Variants in PRKN observed in about 807,000 individuals in gnomAD.
PRKN encodes the protein parkin RBR E3 ubiquitin protein ligase.
Under a neutral mutation model 59.5 loss-of-function variants are expected in PRKN, and 56 were observed. The observed-to-expected ratio is 0.94, with a 90% confidence interval of 0.76 to 1.18. The LOEUF is 1.18. PRKN is among the 50% of genes most tolerant of loss of function. The pLI is 0.00. For synonymous variants in PRKN, 250 were observed against 222.1 expected (o/e 1.13, Z -1.12); for missense variants, 657 against 596.4 (o/e 1.10, Z -1.06).
At chr6:162,340,594 G>A (rs1031424292) in intron 2 of PRKN, among the ~76,000 whole-genome samples, 2 of 151,970 alleles carry the variant, frequency 1.3e-5, no homozygotes, top group African/African-American at 2.4e-5. Context: ...TAGACCAATG[G>A]AACAGAACAG....
At chr6:161,384,904 C>T (rs1205849948) in intron 10 of PRKN, among the ~76,000 whole-genome samples, 1 of 152,178 alleles carries the variant, frequency 6.6e-6, no homozygotes. Flanking sequence ...CCCCTATGAG[C>T]CTCTAAAGGG....
rs1790612636 is a variant in PRKN at position 161,468,763 on chromosome 6, G to A, written c.1083+80091C>T. 6.6e-6 allele frequency among the ~76,000 whole-genome samples: 1 copy of A among 152,152 alleles called. No individual in the cohort carries two copies. Among genetic ancestry groups the A allele is most frequent in the Non-Finnish European group, 1.5e-5 (1 of 68,030 alleles). On this transcript the variant is annotated intron_variant, in intron 9 of 11. Coordinates refer to ENST00000366898, the MANE Select transcript of PRKN (RefSeq NM_004562.3). The surrounding 1 kb of genome is among the most constrained non-coding windows in gnomAD (Gnocchi z 5.9). The stretch of plus-strand genomic sequence containing the variant: ...CTTGGGTATGTTCTTCTCAAGGACA[G>A]GAAAGTCATGCACAGTGTATGTTCA...
rs114898239 is a variant in PRKN, at chr6:161,774,623, C to T, written c.871+11149G>A. Among the ~76,000 whole-genome samples, 1,164 of 152,226 alleles carry T rather than the reference C, an allele frequency of 7.6e-3. 13 individuals carry two copies. Among genetic ancestry groups the T allele is most frequent in the African/African-American group, 0.026 (1,086 of 41,528 alleles). ...ACAGGGGCTGCTGTGGGTGACAGAA[C>T]CAGAAGATGGCAGGATTCGGGTCTG... On this transcript the variant is annotated intron_variant, in intron 7 of 11. Coordinates refer to ENST00000366898, the MANE Select transcript of PRKN (RefSeq NM_004562.3).
chr6:161,426,080 C>A (rs60798458), intron 9 of PRKN, among the ~76,000 whole-genome samples: 26,357 of 151,736 alleles, frequency 0.17, 3,067 homozygotes, highest in East Asian at 0.61. Flanking sequence ...CTGTGTACAG[C>A]GTTGTAGGAG....
chr6:162,510,995 T>G (rs1349130942), intron 1 of PRKN, among the ~76,000 whole-genome samples: 1 of 152,068 alleles, frequency 6.6e-6, no homozygotes, highest in African/African-American at 2.4e-5. Context: ...AATAAAATTT[T>G]CCTACATTTG....
chr6:161,506,505 C>T (rs534193896), intron 9 of PRKN, among the ~76,000 whole-genome samples: 3 of 152,270 alleles, frequency 2.0e-5, no homozygotes, highest in South Asian at 2.1e-4. Context: ...CTTTCATTTA[C>T]GTTACCTGCA....
chr6:162,512,129 T>G (rs1281535679), intron 1 of PRKN, among the ~76,000 whole-genome samples: 1 of 152,210 alleles, frequency 6.6e-6, no homozygotes, highest in Non-Finnish European at 1.5e-5. Flanking sequence ...CACAGCAATA[T>G]GTAACAAATT....
intron 1 of PRKN, among the ~76,000 whole-genome samples, chr6:162,530,630 G>A (rs911297240): frequency 1.3e-5 from 2 of 152,184 alleles, no homozygotes; most frequent in African/African-American, 2.4e-5. Flanking sequence ...AATGCAGTGA[G>A]AAAAGCACTG....
intron 9 of PRKN, among the ~76,000 whole-genome samples, chr6:161,398,017 G>A (rs1475579229): frequency 1.3e-5 from 2 of 152,268 alleles, no homozygotes; most frequent in East Asian, 3.9e-4. Flanking sequence ...AGCCAGAGAG[G>A]GGGCAGGATG....
rs377292908 is a variant in PRKN, at chr6:162,031,451, A to C, written c.618+22640T>G. ...TAGGCAAGAGCAGCATTTATAGTCA[A>C]AGCTTATTTACAAATATTATGATGC... is the stretch of plus-strand genomic sequence containing the variant. On this transcript the variant is annotated intron_variant, in intron 5 of 11. Coordinates refer to ENST00000366898, the MANE Select transcript of PRKN (RefSeq NM_004562.3). Among the ~76,000 whole-genome samples, 13 of 152,176 alleles carry C rather than the reference A, an allele frequency of 8.5e-5. No homozygotes were observed. The East Asian group carries it at 1.2e-3, about 14-fold the overall frequency.
At chr6:161,953,636 G>C (rs1475943413) in intron 6 of PRKN, among the ~76,000 whole-genome samples, 3 of 152,130 alleles carry the variant, frequency 2.0e-5, no homozygotes, top group African/African-American at 7.2e-5. Context: ...AGGTACTGCT[G>C]CAAAGAGGTG....
intron 6 of PRKN, among the ~76,000 whole-genome samples, chr6:161,902,556 A>ATCTATCTT (rs1382089937): frequency 8.5e-6 from 1 of 118,200 alleles, no homozygotes; most frequent in African/African-American, 3.5e-5. Flanking sequence ...CTATTTATTT[A>ATCTATCTT]TTTATTTATT....
intron 6 of PRKN, among the ~76,000 whole-genome samples, chr6:161,812,509 A>C (rs146802014): frequency 6.6e-6 from 1 of 152,346 alleles, no homozygotes; most frequent in African/African-American, 2.4e-5. Flanking sequence ...GTATACATAA[A>C]AAAACTTACA....
chr6:162,213,788 T>G (rs1777510629), intron 3 of PRKN, among the ~76,000 whole-genome samples: 1 of 131,810 alleles, frequency 7.6e-6, no homozygotes, highest in Admixed American at 8.0e-5. Flanking sequence ...GTAAAAATAT[T>G]TCCAAAAAAA....
intron 4 of PRKN, among the ~76,000 whole-genome samples, chr6:162,113,511 T>A (rs78615723): frequency 2.6e-3 from 403 of 152,248 alleles, no homozygotes; most frequent in African/African-American, 9.3e-3. Context: ...CTGTGGTCAA[T>A]GAAGGGAGAG....
chr6:162,615,638 G>C (rs949940938), intron 1 of PRKN, among the ~76,000 whole-genome samples: 1 of 152,140 alleles, frequency 6.6e-6, no homozygotes, highest in African/African-American at 2.4e-5. Context: ...AATTGCATGT[G>C]CCATCTGTAA....
intron 9 of PRKN, among the ~76,000 whole-genome samples, chr6:161,482,736 G>A (rs938426417): frequency 6.6e-6 from 1 of 152,170 alleles, no homozygotes; most frequent in Non-Finnish European, 1.5e-5. Context: ...CGTGGTTAAT[G>A]ACCCCAATTC....
At chr6:161,515,872 A>C (rs1778568363) in intron 9 of PRKN, among the ~76,000 whole-genome samples, 1 of 152,212 alleles carries the variant, frequency 6.6e-6, no homozygotes, top group African/African-American at 2.4e-5. Flanking sequence ...AAAAAAGAGA[A>C]GCTAATGGCT....
intron 2 of PRKN, among the ~76,000 whole-genome samples, chr6:162,389,471 T>G (rs1384124353): frequency 2.0e-5 from 3 of 152,196 alleles, no homozygotes; most frequent in Non-Finnish European, 2.9e-5. Context: ...AAAAAACCTT[T>G]GCATCTTGGC....
Sources: gnomAD v4.1 joint callset for allele counts (sites outside exome capture counted in the v4.1 genomes callset) on GRCh38, gnomAD v4.1.1 for gene constraint, Gnocchi (gnomAD v3.1) non-coding constraint, MANE v1.5 for transcripts, NCBI Gene and HGNC (gene_info 2026-07-23, HGNC 2026-07-21) for gene names.